The following THRB variants were observed in gnomAD, a reference collection of about 807,000 sequenced individuals.
THRB encodes the protein thyroid hormone receptor beta.
Under a neutral mutation model 47.8 loss-of-function variants are expected in THRB, and 12 were observed. The observed-to-expected ratio is 0.25, with a 90% confidence interval of 0.16 to 0.41. The LOEUF (loss-of-function observed/expected upper bound fraction) is 0.41, where lower values mean the gene tolerates loss of function less well. Ranked by LOEUF, THRB falls within the 10% of genes least tolerant of loss-of-function variation. The pLI is 1.00. For synonymous variants in THRB, 218 were observed against 212.2 expected (o/e 1.03, Z -0.24); for missense variants, 348 against 589.2 (o/e 0.59, Z 4.24).
intron 3 of THRB, among the ~76,000 whole-genome samples, chr3:24,234,785 A>AT (rs1261225842): frequency 6.6e-6 from 1 of 152,128 alleles, no homozygotes; most frequent in Non-Finnish European, 1.5e-5. Context: ...ATGAGCTGGG[A>AT]TTTTTTTCCA....
intron 8 of THRB, among the ~76,000 whole-genome samples, chr3:24,135,840 T>A (rs1473938052): frequency 8.2e-6 from 1 of 121,850 alleles, no homozygotes; most frequent in East Asian, 3.1e-4. Flanking sequence ...TATATATATA[T>A]ATATATAATA....
At chr3:24,197,742 C>T (rs1200815437) in intron 4 of THRB, among the ~76,000 whole-genome samples, 1 of 152,226 alleles carries the variant, frequency 6.6e-6, no homozygotes, top group Non-Finnish European at 1.5e-5. Context: ...CTATGCAAGG[C>T]AGAGTCAGCC....
At chr3:24,296,448 C>G (rs2056455261) in intron 3 of THRB, among the ~76,000 whole-genome samples, 1 of 152,224 alleles carries the variant, frequency 6.6e-6, no homozygotes, top group Admixed American at 6.5e-5. Flanking sequence ...CAAACACCGT[C>G]TACTGCAATT....
At chr3:24,461,581 G>A (rs951304095) in intron 1 of THRB, among the ~76,000 whole-genome samples, 6 of 152,280 alleles carry the variant, frequency 3.9e-5, no homozygotes, top group Admixed American at 6.5e-5. Context: ...TTAATCCATC[G>A]TTGACCAAGT....
chr3:24,405,774 C>G (rs1265352646), intron 1 of THRB, among the ~76,000 whole-genome samples: 1 of 151,546 alleles, frequency 6.6e-6, no homozygotes, highest in Non-Finnish European at 1.5e-5. Flanking sequence ...CTGAACGAAT[C>G]GCCCAGTAAT....
chr3:24,494,224 C>T (rs1478516349), intron 1 of THRB: 1 of 152,330 alleles, frequency 6.6e-6, no homozygotes, highest in Non-Finnish European at 1.5e-5. Flanking sequence ...GCCTGCCAAC[C>T]TTTTCCGAAC....
chr3:24,198,931 G>A (rs983042938), intron 4 of THRB, among the ~76,000 whole-genome samples: 1 of 152,140 alleles, frequency 6.6e-6, no homozygotes, highest in Non-Finnish European at 1.5e-5. Context: ...TAGAGTGGAT[G>A]AGAAAGGGAG....
chr3:24,199,489 T>C (rs2044349818), intron 4 of THRB, among the ~76,000 whole-genome samples: 1 of 152,208 alleles, frequency 6.6e-6, no homozygotes, highest in African/African-American at 2.4e-5. Flanking sequence ...TGGTGGGGAT[T>C]ATCAGTCCAT....
chr3:24,416,316 G>A (rs2068728823), intron 1 of THRB, among the ~76,000 whole-genome samples: 1 of 151,778 alleles, frequency 6.6e-6, no homozygotes, highest in Non-Finnish European at 1.5e-5. Flanking sequence ...ACAGTAGCCA[G>A]TAGAAGCGTT....
intron 3 of THRB, among the ~76,000 whole-genome samples, chr3:24,252,993 G>A (rs897323023): frequency 1.3e-5 from 2 of 151,966 alleles, no homozygotes; most frequent in African/African-American, 4.8e-5. Context: ...TCTGGATCAT[G>A]TATAGGATTT....
At chr3:24,405,602 T>G (rs1394700839) in intron 1 of THRB, among the ~76,000 whole-genome samples, 2 of 151,882 alleles carry the variant, frequency 1.3e-5, no homozygotes, top group Non-Finnish European at 2.9e-5. Flanking sequence ...TACAGTTTTT[T>G]TCATTGTATA....
chr3:24,365,744 A>G (rs17014585), intron 1 of THRB, among the ~76,000 whole-genome samples: 7,647 of 152,238 alleles, frequency 0.05, 619 homozygotes, highest in African/African-American at 0.17. Flanking sequence ...TACTTTATGG[A>G]AGTCTCATCA....
intron 1 of THRB, among the ~76,000 whole-genome samples, chr3:24,409,879 A>T (rs549366711): frequency 6.6e-6 from 1 of 151,838 alleles, no homozygotes; most frequent in African/African-American, 2.4e-5. Context: ...ATCTGTAGAC[A>T]TTCCTGCATT....
At chr3:24,486,856 G>A (rs894788290) in intron 1 of THRB, among the ~76,000 whole-genome samples, 1 of 151,942 alleles carries the variant, frequency 6.6e-6, no homozygotes, top group Non-Finnish European at 1.5e-5. Flanking sequence ...TCTATTCCCT[G>A]TTGCAGCTAC....
chr3:24,351,209 G>T (rs2063335623), intron 1 of THRB, among the ~76,000 whole-genome samples: 1 of 151,884 alleles, frequency 6.6e-6, no homozygotes, highest in South Asian at 2.1e-4. Flanking sequence ...TATACCCTTA[G>T]ATCAGTAGTT....
At chr3:24,136,642 T>C (rs1559424524) in intron 8 of THRB, among the ~76,000 whole-genome samples, 1 of 152,256 alleles carries the variant, frequency 6.6e-6, no homozygotes, top group Non-Finnish European at 1.5e-5. Flanking sequence ...CATATGTATT[T>C]ATGTGCCCAA....
chr3:24,483,497 T>TTTAAAAAAAA (rs1037829576), intron 1 of THRB, among the ~76,000 whole-genome samples: 3 of 146,794 alleles, frequency 2.0e-5, no homozygotes, highest in African/African-American at 7.6e-5. Flanking sequence ...TTTAGTTCTC[T>TTTAAAAAAAA]TTAAAAAAAA....
chr3:24,319,292 A>C (rs2058323344), intron 2 of THRB, among the ~76,000 whole-genome samples: 1 of 152,240 alleles, frequency 6.6e-6, no homozygotes, highest in African/African-American at 2.4e-5. Context: ...CCACCAAAAG[A>C]CAGTCCCAAA....
rs370639497 is a variant in THRB at position 24,303,810 on chromosome 3, G to C, written c.-188-6439C>G. On this transcript the variant is annotated intron_variant, in intron 2 of 10. Transcript: ENST00000646209. ...ACACCGACTAAGTTTTTTAAAAATG[G>C]CTGCTGAATTTTACAGATGCATTTC... Among the ~76,000 whole-genome samples, 17 of 152,260 alleles carry C rather than the reference G, an allele frequency of 1.1e-4. No homozygotes were observed. The East Asian group carries it at 3.1e-3, about 28-fold the overall frequency.
Sources: gnomAD v4.1 joint callset for allele counts (sites outside exome capture counted in the v4.1 genomes callset) on GRCh38, gnomAD v4.1.1 for gene constraint, MANE v1.5 for transcripts, NCBI Gene and HGNC (gene_info 2026-07-23, HGNC 2026-07-21) for gene names.